Variants in ANKRD27 observed in about 807,000 individuals in gnomAD.
ANKRD27 encodes the protein ankyrin repeat domain-containing protein 27.
In ANKRD27, 112 loss-of-function variants were observed where a neutral mutation model predicts 129.7. The observed-to-expected ratio is 0.86, with a 90% CI of 0.74 to 1.01. ANKRD27 has a LOEUF of 1.01. ANKRD27 is among the 50% of genes least tolerant of loss of function. The pLI, the probability that ANKRD27 is intolerant of heterozygous loss-of-function variation, is 0.00. For missense variants in ANKRD27, 1,258 were observed against 1,300.5 expected, an observed-to-expected ratio of 0.97 and a Z score of 0.50; for synonymous variants, 516 against 511.2, an observed-to-expected ratio of 1.01 and a Z score of -0.13.
rs959897611 is a variant in ANKRD27, at chr19:32,606,801, T to A, written c.2373+834A>T. ...GGAAAATGAAAAAATATACACACAG[T>A]TTTCCTTAAAGAAAAGCAGGGCCTG... On this transcript the variant is annotated intron_variant, in intron 23 of 28. Coordinates refer to ENST00000306065, the MANE Select transcript of ANKRD27 (RefSeq NM_032139.3). 4.4e-4 allele frequency among the ~76,000 whole-genome samples: 67 copies of A among 150,984 alleles called. 2 individuals carry two copies. Among genetic ancestry groups the A allele is most frequent in the Non-Finnish European group, 1.3e-4 (9 of 67,748 alleles).
chr19:32,646,733 G>T, intron 3 of ANKRD27, 118 bp from the exon 4 acceptor site: 1 of 1,048,552 alleles, frequency 9.5e-7, no homozygotes, highest in Non-Finnish European at 1.4e-6. Flanking sequence ...TTGTGGGTTT[G>T]CTGGGGCACA....
In ANKRD27 at chr19:32,607,620, A is replaced by G; in HGVS notation, c.2373+15T>C. 1 of 1,609,852 alleles carries G rather than the reference A, an allele frequency of 6.2e-7. No homozygotes were observed. The highest frequency in any genetic ancestry group is 8.5e-7 in the Non-Finnish European group (1 of 1,179,064). On this transcript the variant is annotated intron_variant, in intron 23 of 28. Coordinates refer to ENST00000306065, the MANE Select transcript of ANKRD27 (RefSeq NM_032139.3). ...CAGACACCCTGCTCCACCACCCCCA[A>G]CACACAGCCCGAACCTGAAAGTGGC...
chr19:32,597,404 G>A lies in ANKRD27; in HGVS notation c.*741C>T, dbSNP rs1971585830. On this transcript the variant is annotated 3_prime_UTR_variant, in exon 29 of 29. Transcript: ENST00000306065. ...TAATCCAGTAACCATCCCGTCAGGT[G>A]TGAGTGTGACAGACATTCAAGGGAG... is the stretch of plus-strand genomic sequence containing the variant. 1.3e-5 allele frequency: 2 copies of A among 152,676 alleles called. No individual in the cohort carries two copies. The highest frequency in any genetic ancestry group is 4.1e-4 in the South Asian group (2 of 4,826). 9.5% of individuals were successfully genotyped at this position (152,676 alleles called of 1,614,324 possible).
At chr19:32,665,341 G>C (rs1342843232) in intron 1 of ANKRD27, among the ~76,000 whole-genome samples, 1 of 146,376 alleles carries the variant, frequency 6.8e-6, no homozygotes, top group Non-Finnish European at 1.5e-5. Flanking sequence ...CCACACTAAA[G>C]TGCAGTGGCA....
Position 32,658,878 on chromosome 19 carries a change from A to G in ANKRD27, c.102+36T>C, listed in dbSNP as rs753739267. 13 of 1,518,440 alleles carry G rather than the reference A, an allele frequency of 8.6e-6. No individual in the cohort carries two copies. The African/African-American group carries it at 1.8e-4, about 21-fold the overall frequency. The allele number at this position is 1,518,440 out of a possible 1,614,324, so 94.1% of individuals were successfully genotyped here. Reference sequence around the variant, plus strand: ...GTCTACCACGTCTCTGGAACCATTCATGCCTCAGGACAACCCCGAGGCTCA... The same window carrying G: ...GTCTACCACGTCTCTGGAACCATTCGTGCCTCAGGACAACCCCGAGGCTCA... On this transcript the variant is annotated intron_variant, in intron 2 of 28. Coordinates refer to ENST00000306065, the MANE Select transcript of ANKRD27 (RefSeq NM_032139.3).
chr19:32,658,854 T>C, intron 2 of ANKRD27, 60 bp downstream of exon 2: 1 of 1,347,502 alleles, frequency 7.4e-7, no homozygotes, highest in Non-Finnish European at 1.1e-6. Context: ...TGAGCCTTAG[T>C]CTACCACGTC....
At chr19:32,648,134 C>T (rs1003071974) in intron 3 of ANKRD27, among the ~76,000 whole-genome samples, 6 of 151,944 alleles carry the variant, frequency 3.9e-5, no homozygotes, top group African/African-American at 1.2e-4. Flanking sequence ...GGCATGGTGG[C>T]GAGTGCTTGC....
intron 14 of ANKRD27, among the ~76,000 whole-genome samples, 191 bp from the exon 15 acceptor site, chr19:32,628,356 T>TC (rs1229555407): frequency 6.6e-6 from 1 of 151,952 alleles, no homozygotes; most frequent in Non-Finnish European, 1.5e-5. Flanking sequence ...CTGGAGTCTC[T>TC]CCCCCACCAA....
At chr19:32,622,338 A>G (rs965995713) in intron 18 of ANKRD27, 84 bp downstream of exon 18, 4 of 1,466,512 alleles carry the variant, frequency 2.7e-6, no homozygotes, top group Admixed American at 1.7e-5. Flanking sequence ...ATAATGCACA[A>G]TTTGTCTAGT....
In ANKRD27 at chr19:32,613,706, C is replaced by CTTTTTT. The variant is rs58394462; in HGVS notation, c.2175+1946_2175+1951dup. Among the ~76,000 whole-genome samples the CTTTTTT allele has an allele frequency of 2.4e-4, 32 of 132,994 alleles. 10 individuals carry two copies. The highest frequency in any genetic ancestry group is 2.0e-4 in the African/African-American group (7 of 35,756). The allele number at this position is 132,994 out of a possible 152,430, so 87.2% of individuals were successfully genotyped here. ...GTATACTGTGATTACATTTATGTAA[C>CTTTTTT]TTTTTTTTTTTTTTTTTTTTGAGAC... On this transcript the variant is annotated intron_variant, in intron 22 of 28. Coordinates refer to ENST00000306065, the MANE Select transcript of ANKRD27 (RefSeq NM_032139.3).
chr19:32,648,119 A>G (rs1272418102), intron 3 of ANKRD27, among the ~76,000 whole-genome samples: 1 of 152,000 alleles, frequency 6.6e-6, no homozygotes, highest in African/African-American at 2.4e-5. Flanking sequence ...TACAAAAATT[A>G]TCCGGGCATG....
intron 10 of ANKRD27, among the ~76,000 whole-genome samples, chr19:32,640,668 G>A (rs760497707): frequency 1.3e-5 from 2 of 152,198 alleles, no homozygotes; most frequent in East Asian, 1.9e-4. Context: ...TTGGGAGGCC[G>A]AGACGGGAGA....
intron 13 of ANKRD27, 27 bp downstream of exon 13, chr19:32,631,375 A>AC (rs755137040): frequency 5.0e-6 from 8 of 1,594,504 alleles, no homozygotes; most frequent in Non-Finnish European, 6.9e-6. Flanking sequence ...ACCCACATTT[A>AC]CCCACAGAGA....
chr19:32,662,785 C>G (rs60905506), intron 1 of ANKRD27, among the ~76,000 whole-genome samples: 1 of 151,768 alleles, frequency 6.6e-6, no homozygotes, highest in African/African-American at 2.4e-5. Context: ...GCTCACGCCT[C>G]TAATCTCAAC....
intron 22 of ANKRD27, among the ~76,000 whole-genome samples, chr19:32,610,567 G>A (rs8104168): frequency 0.16 from 23,737 of 151,456 alleles, 2,043 homozygotes; most frequent in Middle Eastern, 0.26. Context: ...TGAGGCAAGC[G>A]GATCACTTGA....
intron 10 of ANKRD27, among the ~76,000 whole-genome samples, chr19:32,641,381 A>T (rs190040681): frequency 1.1e-4 from 16 of 152,296 alleles, no homozygotes; most frequent in Middle Eastern, 3.4e-3. Context: ...TCCTAAGGTC[A>T]CTTCCATTTT....
intron 26 of ANKRD27, 107 bp downstream of exon 26, chr19:32,601,908 T>C (rs894329704): frequency 1.2e-5 from 8 of 686,704 alleles, no homozygotes; most frequent in Non-Finnish European, 2.0e-5. Flanking sequence ...CCTCCAGGCA[T>C]GATTATAATT....
intron 22 of ANKRD27, among the ~76,000 whole-genome samples, chr19:32,613,590 T>G (rs927724892): frequency 6.6e-6 from 1 of 151,822 alleles, no homozygotes; most frequent in African/African-American, 2.4e-5. Flanking sequence ...ATTAAACAAA[T>G]GGAATGCCAC....
chr19:32,672,651 G>A (rs1967894003), intron 1 of ANKRD27: 2 of 152,438 alleles, frequency 1.3e-5, no homozygotes, highest in Non-Finnish European at 2.9e-5. Context: ...GAATGGGCAG[G>A]GCTAGAGAGA....
Sources: allele counts gnomAD v4.1 joint callset (sites outside exome capture counted in the v4.1 genomes callset), GRCh38; gene constraint gnomAD v4.1.1; transcripts MANE v1.5; gene names NCBI Gene and HGNC (gene_info 2026-07-23, HGNC 2026-07-21).